Variants in GHR observed in about 807,000 individuals in gnomAD.
The protein encoded by GHR is growth hormone receptor, also known as GH receptor.
GHR carries 35 observed loss-of-function variants against 67.1 expected under a neutral mutation model. The observed-to-expected ratio is 0.52, with a 90% CI of 0.40 to 0.69. GHR has a LOEUF of 0.69. Among genes scored for constraint, GHR ranks in the 30% least tolerant of loss-of-function variants. The probability of loss-of-function intolerance (pLI) is 0.00; values close to 1 mark genes in which losing one functional copy is unlikely to be tolerated. For missense variants in GHR, 792 were observed against 764.6 expected (o/e 1.04, Z -0.42); for synonymous variants, 272 against 269.1 (o/e 1.01, Z -0.10).
At chr5:42,694,690 G>A (rs1001140776) in intron 4 of GHR, among the ~76,000 whole-genome samples, 1 of 152,216 alleles carries the variant, frequency 6.6e-6, no homozygotes, top group Non-Finnish European at 1.5e-5. Context: ...TTCAATAAAC[G>A]GAAGTTTTAC....
chr5:42,714,063 G>A lies in GHR; in HGVS notation c.875+544G>A, dbSNP rs191307098. 1.1e-3 allele frequency: 171 copies of A among 154,228 alleles called. 1 individual carries two copies. Among genetic ancestry groups the A allele is most frequent in the African/African-American group, 3.9e-3 (161 of 41,514 alleles). 9.6% of individuals were successfully genotyped at this position (154,228 alleles called of 1,614,324 possible). On this transcript the variant is annotated intron_variant, in intron 8 of 9. Transcript: ENST00000230882. ...AGAGTAGCTGGGATTACAGGCATGC[G>A]CCACCAAGCCCAGCTAATTTTGTAT...
chr5:42,451,716 A>AG (rs991125871), intron 1 of GHR, among the ~76,000 whole-genome samples: 1 of 151,786 alleles, frequency 6.6e-6, no homozygotes, highest in Non-Finnish European at 1.5e-5. Context: ...AAAAAAAAAA[A>AG]AAACCTACTC....
intron 1 of GHR, among the ~76,000 whole-genome samples, chr5:42,436,333 T>G (rs1743322865): frequency 6.6e-6 from 1 of 152,218 alleles, no homozygotes; most frequent in Non-Finnish European, 1.5e-5. Context: ...CTCCACTTGC[T>G]TAACCCCTAT....
rs1742736725 is a variant in GHR at position 42,424,170 on chromosome 5, TA to T, written c.-12+216del. Among the ~76,000 whole-genome samples, 1 of 75,176 alleles carries T rather than the reference TA, an allele frequency of 1.3e-5. No homozygotes were observed. Among genetic ancestry groups the T allele is most frequent in the East Asian group, 5.3e-4 (1 of 1,880 alleles). The allele number at this position is 75,176 out of a possible 152,430, so 49.3% of individuals were successfully genotyped here. On this transcript the variant is annotated intron_variant, in intron 1 of 9. Coordinates refer to ENST00000230882, the MANE Select transcript of GHR (RefSeq NM_000163.5). The surrounding 1 kb of genome is among the most constrained non-coding windows in gnomAD (Gnocchi z 4.1). ...GCTGGTGGGTTGTTGTAACCCAATC[TA>T]GTGTGTGTGTGTGTGTGTGTGTGTG... is the stretch of plus-strand genomic sequence containing the variant.
At chr5:42,437,088 T>C (rs1392002367) in intron 1 of GHR, among the ~76,000 whole-genome samples, 2 of 152,216 alleles carry the variant, frequency 1.3e-5, no homozygotes, top group Admixed American at 1.3e-4. Flanking sequence ...CAGAATGATA[T>C]CTAATTTCTA....
intron 2 of GHR, among the ~76,000 whole-genome samples, chr5:42,591,930 C>G (rs1561150291): frequency 1.3e-5 from 2 of 152,156 alleles, no homozygotes; most frequent in African/African-American, 2.4e-5. Flanking sequence ...AAAGGCCGGT[C>G]TCACTCCACT....
At chr5:42,477,416 T>A (rs1427645144) in intron 1 of GHR, among the ~76,000 whole-genome samples, 2 of 152,228 alleles carry the variant, frequency 1.3e-5, no homozygotes, top group Non-Finnish European at 2.9e-5. Context: ...GATGGCAGGT[T>A]CAAATGGTAT....
chr5:42,677,216 A>AT (rs974875319), intron 3 of GHR, among the ~76,000 whole-genome samples: 1 of 151,984 alleles, frequency 6.6e-6, no homozygotes, highest in Non-Finnish European at 1.5e-5. Flanking sequence ...CTTCCTTTAT[A>AT]TTTTTTCTGA....
intron 1 of GHR, among the ~76,000 whole-genome samples, chr5:42,546,918 G>T (rs931526154): frequency 6.6e-5 from 10 of 152,132 alleles, no homozygotes; most frequent in African/African-American, 2.4e-4. Context: ...AGAGGAGGAA[G>T]AAAAGACATC....
chr5:42,691,705 G>A (rs772219266), intron 4 of GHR, among the ~76,000 whole-genome samples: 36 of 152,236 alleles, frequency 2.4e-4, no homozygotes, highest in Non-Finnish European at 4.4e-4. Context: ...CTGTCAACAG[G>A]ACAGTTCAGG....
intron 3 of GHR, among the ~76,000 whole-genome samples, chr5:42,657,823 G>C (rs922629784): frequency 6.6e-6 from 1 of 152,004 alleles, no homozygotes; most frequent in Non-Finnish European, 1.5e-5. Context: ...AGTCTTGCTT[G>C]TTGGCCAGGC....
At chr5:42,699,450 T>G (rs866956264) in intron 5 of GHR, among the ~76,000 whole-genome samples, 2 of 152,234 alleles carry the variant, frequency 1.3e-5, no homozygotes, top group South Asian at 4.1e-4. Flanking sequence ...GTCTAAATTC[T>G]GTAAGTCTTT....
chr5:42,568,542 A>G (rs903991266), intron 2 of GHR, among the ~76,000 whole-genome samples: 3 of 152,210 alleles, frequency 2.0e-5, no homozygotes, highest in African/African-American at 7.2e-5. Flanking sequence ...AGAAATGTGC[A>G]TAAAGATCTA....
chr5:42,569,499 G>A (rs1750150441), intron 2 of GHR, among the ~76,000 whole-genome samples: 1 of 152,228 alleles, frequency 6.6e-6, no homozygotes, highest in South Asian at 2.1e-4. Flanking sequence ...GTAGCATTTG[G>A]AGAGGAAGAA....
At position 42,661,906 on chromosome 5, in the gene GHR, G is replaced by A. The variant is rs565003782; in HGVS notation, c.137-26984G>A. 3.3e-5 allele frequency among the ~76,000 whole-genome samples: 5 copies of A among 152,274 alleles called. No homozygotes were observed. The East Asian group carries it at 9.6e-4, about 29-fold the overall frequency. ...ACAGGCTCAAAACAAAAGGATGGAGGAAGATCTACCAAGCAAATGGAAAAC... is the reference window on the plus strand; with the variant it reads ...ACAGGCTCAAAACAAAAGGATGGAGAAAGATCTACCAAGCAAATGGAAAAC... On this transcript the variant is annotated intron_variant, in intron 3 of 9. Coordinates refer to ENST00000230882, the MANE Select transcript of GHR (RefSeq NM_000163.5).
intron 1 of GHR, chr5:42,468,362 T>A: frequency 7.0e-7 from 1 of 1,426,924 alleles, no homozygotes; most frequent in Non-Finnish European, 9.6e-7. Flanking sequence ...AGCTGGGAGC[T>A]GCCCAGCACA....
At chr5:42,584,904 AC>A (rs1317753723) in intron 2 of GHR, among the ~76,000 whole-genome samples, 1 of 152,116 alleles carries the variant, frequency 6.6e-6, no homozygotes, top group Non-Finnish European at 1.5e-5. Context: ...TCTCAGACAT[AC>A]CCTTCATTCT....
intron 1 of GHR, among the ~76,000 whole-genome samples, chr5:42,489,542 T>C (rs1746024350): frequency 6.6e-6 from 1 of 152,188 alleles, no homozygotes; most frequent in Admixed American, 6.6e-5. Context: ...TATGCATTGA[T>C]TGCCATTTAT....
intron 1 of GHR, among the ~76,000 whole-genome samples, chr5:42,490,749 G>T (rs1746080853): frequency 6.6e-6 from 1 of 152,196 alleles, no homozygotes; most frequent in South Asian, 2.1e-4. Flanking sequence ...CCACAAGTAT[G>T]TGTGCTGAAG....
Sources: gnomAD v4.1 joint callset for allele counts (sites outside exome capture counted in the v4.1 genomes callset) on GRCh38, gnomAD v4.1.1 for gene constraint, Gnocchi (gnomAD v3.1) non-coding constraint, MANE v1.5 for transcripts, NCBI Gene and HGNC (gene_info 2026-07-23, HGNC 2026-07-21) for gene names.